Variants in F13A1 observed in about 807,000 individuals in gnomAD.
F13A1 encodes the protein coagulation factor XIII A chain.
F13A1 carries 47 observed loss-of-function variants against 80.1 expected under a neutral mutation model. That is an observed-to-expected ratio of 0.59 (90% CI 0.46 to 0.75). The LOEUF (loss-of-function observed/expected upper bound fraction) is 0.75. Ranked by LOEUF, F13A1 falls within the 30% of genes least tolerant of loss-of-function variation. F13A1 has a pLI of 0.00. For missense variants in F13A1, 817 were observed against 930.4 expected, an observed-to-expected ratio of 0.88 and a Z score of 1.59; for synonymous variants, 349 against 344.9, an observed-to-expected ratio of 1.01 and a Z score of -0.13.
chr6:6,251,830 A>G (rs1350730116), intron 4 of F13A1, among the ~76,000 whole-genome samples: 1 of 152,246 alleles, frequency 6.6e-6, no homozygotes, highest in African/African-American at 2.4e-5. Context: ...TTCGTTAAGA[A>G]GAGAACTTCG....
chr6:6,286,110 G>T (rs1758136405), intron 3 of F13A1, among the ~76,000 whole-genome samples: 1 of 152,234 alleles, frequency 6.6e-6, no homozygotes, highest in Non-Finnish European at 1.5e-5. Flanking sequence ...GGTAAAACCT[G>T]AAGTCAGTCA....
chr6:6,222,238 C>T (rs185600820), intron 7 of F13A1, 67 bp from the exon 8 acceptor site: 3 of 1,603,118 alleles, frequency 1.9e-6, no homozygotes, highest in East Asian at 4.5e-5. Flanking sequence ...GTGAAAAAAC[C>T]CTTCTTGTAG....
chr6:6,242,598 A>T (rs1273405843), intron 6 of F13A1, among the ~76,000 whole-genome samples: 1 of 152,196 alleles, frequency 6.6e-6, no homozygotes, highest in Non-Finnish European at 1.5e-5. Flanking sequence ...CTGAATCAGA[A>T]TACCATGGAT....
chr6:6,231,636 A>G (rs1439875773), intron 6 of F13A1, among the ~76,000 whole-genome samples: 8 of 152,236 alleles, frequency 5.3e-5, no homozygotes, highest in Non-Finnish European at 8.8e-5. Flanking sequence ...TAGGTTATCC[A>G]AAGTTAAGAC....
chr6:6,172,451 G>GTTTTT (rs60664705), intron 12 of F13A1, among the ~76,000 whole-genome samples: 4 of 147,998 alleles, frequency 2.7e-5, no homozygotes, highest in Non-Finnish European at 3.0e-5. Flanking sequence ...ACACTATAGT[G>GTTTTT]TTTTTTTTTT....
At chr6:6,292,682 A>G (rs920427229) in intron 3 of F13A1, among the ~76,000 whole-genome samples, 1 of 152,226 alleles carries the variant, frequency 6.6e-6, no homozygotes, top group African/African-American at 2.4e-5. Context: ...TGACATTTCC[A>G]TGTTTTATAG....
rs542623286 is a variant in F13A1 at position 6,295,012 on chromosome 6, G to A, written c.319+10339C>T. Among the ~76,000 whole-genome samples the A allele has an allele frequency of 1.9e-3, 278 of 144,580 alleles. 5 individuals carry two copies. Among genetic ancestry groups the A allele is most frequent in the African/African-American group, 7.2e-3 (267 of 36,918 alleles). 94.9% of individuals were successfully genotyped at this position (144,580 alleles called of 152,430 possible). A position where few individuals can be genotyped will look rare whatever the true frequency, so the allele number is the denominator to read the frequency against. On this transcript the variant is annotated intron_variant, in intron 3 of 14. Coordinates refer to ENST00000264870, the MANE Select transcript of F13A1 (RefSeq NM_000129.4). ...ATGCGGTGTTTGGTTTTTTGTTCTT[G>A]CGATAGTTTACTGAGAATGATGATT... is the stretch of plus-strand genomic sequence containing the variant.
intron 3 of F13A1, among the ~76,000 whole-genome samples, chr6:6,274,931 G>A (rs1365649958): frequency 6.6e-6 from 1 of 152,194 alleles, no homozygotes. Flanking sequence ...ACCTGTGGCA[G>A]AAGAAGCATT....
chr6:6,290,641 G>A (rs1437954886), intron 3 of F13A1, among the ~76,000 whole-genome samples: 1 of 152,140 alleles, frequency 6.6e-6, no homozygotes, highest in Admixed American at 6.5e-5. Context: ...CCCCCAAGGA[G>A]AATCTCACAT....
chr6:6,288,416 A>G (rs1758167765), intron 3 of F13A1, among the ~76,000 whole-genome samples: 1 of 152,194 alleles, frequency 6.6e-6, no homozygotes, highest in African/African-American at 2.4e-5. Context: ...AAGTGAGATC[A>G]TACAGTATTC....
intron 8 of F13A1, among the ~76,000 whole-genome samples, chr6:6,220,577 G>A (rs1215231412): frequency 1.3e-5 from 2 of 151,964 alleles, no homozygotes; most frequent in African/African-American, 4.8e-5. Context: ...CTGTGTGTGT[G>A]TGTGTGTGTC....
intron 8 of F13A1, among the ~76,000 whole-genome samples, chr6:6,199,383 G>T (rs62408022): frequency 6.6e-6 from 1 of 151,990 alleles, no homozygotes; most frequent in Non-Finnish European, 1.5e-5. Context: ...CCAGCTACTC[G>T]GGAGGCTGAG....
intron 3 of F13A1, among the ~76,000 whole-genome samples, chr6:6,291,478 C>A (rs1284956034): frequency 6.6e-6 from 1 of 152,152 alleles, no homozygotes; most frequent in African/African-American, 2.4e-5. Context: ...ATTGACTACA[C>A]CCATTTCCTC....
At chr6:6,212,358 T>A (rs921270672) in intron 8 of F13A1, among the ~76,000 whole-genome samples, 8 of 145,126 alleles carry the variant, frequency 5.5e-5, no homozygotes, top group Non-Finnish European at 1.1e-4. Context: ...CCTCCTCAAG[T>A]GGGTCCCTGA....
At chr6:6,235,917 A>T (rs996851690) in intron 6 of F13A1, among the ~76,000 whole-genome samples, 2 of 152,142 alleles carry the variant, frequency 1.3e-5, no homozygotes, top group South Asian at 2.1e-4. Context: ...AAGTAAATAC[A>T]TGGGCAAATA....
chr6:6,235,789 C>G (rs1222136851), intron 6 of F13A1, among the ~76,000 whole-genome samples: 7 of 151,980 alleles, frequency 4.6e-5, no homozygotes, highest in Admixed American at 1.3e-4. Flanking sequence ...TAGGTATTTA[C>G]CTAAGAGAAA....
At chr6:6,155,845 G>C (rs1244696509) in intron 13 of F13A1, among the ~76,000 whole-genome samples, 1 of 152,122 alleles carries the variant, frequency 6.6e-6, no homozygotes, top group Non-Finnish European at 1.5e-5. Context: ...ATTATTTTAG[G>C]AATCTGCAAA....
In F13A1 at chr6:6,205,199, C is replaced by T. The variant is rs954249271; in HGVS notation, c.1113-7873G>A. Among the ~76,000 whole-genome samples, 66 of 152,196 alleles carry T rather than the reference C, an allele frequency of 4.3e-4. 1 individual carries two copies. Among genetic ancestry groups the T allele is most frequent in the African/African-American group, 1.4e-3 (58 of 41,448 alleles). On this transcript the variant is annotated intron_variant, in intron 8 of 14. Coordinates refer to ENST00000264870, the MANE Select transcript of F13A1 (RefSeq NM_000129.4). ...TTTTGCAAGTCTCACTGAGAAGTCA[C>T]GTGTAAATACAGTCTGATATAGCAC... is the stretch of plus-strand genomic sequence containing the variant.
intron 10 of F13A1, among the ~76,000 whole-genome samples, chr6:6,183,857 G>T (rs1169491507): frequency 6.6e-6 from 1 of 152,184 alleles, no homozygotes; most frequent in Non-Finnish European, 1.5e-5. Flanking sequence ...AAATAAAAAT[G>T]ATTAAATTTG....
Sources: gnomAD v4.1 joint callset for allele counts (sites outside exome capture counted in the v4.1 genomes callset) on GRCh38, gnomAD v4.1.1 for gene constraint, MANE v1.5 for transcripts, NCBI Gene and HGNC (gene_info 2026-07-23, HGNC 2026-07-21) for gene names.